Variants in NRXN3 observed in about 807,000 individuals in gnomAD.
NRXN3 encodes the protein neurexin 3.
Under a neutral mutation model 137.6 loss-of-function variants are expected in NRXN3, and 32 were observed. The observed-to-expected ratio is 0.23, with a 90% CI of 0.18 to 0.31. The LOEUF (loss-of-function observed/expected upper bound fraction) is 0.31. Ranked by LOEUF, NRXN3 falls within the 10% of genes least tolerant of loss-of-function variation. The pLI is 1.00. For missense variants in NRXN3, 1,574 were observed against 2,062.5 expected, an observed-to-expected ratio of 0.76 and a Z score of 4.59; for synonymous variants, 798 against 784.5, an observed-to-expected ratio of 1.02 and a Z score of -0.29.
chr14:78,946,396 T>C (rs2099365295), intron 10 of NRXN3, among the ~76,000 whole-genome samples: 1 of 152,122 alleles, frequency 6.6e-6, no homozygotes, highest in African/African-American at 2.4e-5. Flanking sequence ...ACCAGCAGGG[T>C]ATCTAGTGGA....
intron 1 of NRXN3, among the ~76,000 whole-genome samples, chr14:78,206,986 C>T (rs889477447): frequency 6.6e-6 from 1 of 152,078 alleles, no homozygotes; most frequent in Non-Finnish European, 1.5e-5. Flanking sequence ...GCCTCAGCCT[C>T]CTGAGCACCT....
intron 4 of NRXN3, among the ~76,000 whole-genome samples, chr14:78,402,193 G>A (rs904167022): frequency 1.3e-5 from 2 of 152,184 alleles, no homozygotes; most frequent in Non-Finnish European, 2.9e-5. Context: ...AGGATGTTAT[G>A]TGTGTTAATA....
At chr14:79,541,781 T>G (rs1392914313) in intron 16 of NRXN3, among the ~76,000 whole-genome samples, 1 of 152,194 alleles carries the variant, frequency 6.6e-6, no homozygotes, top group Non-Finnish European at 1.5e-5. Context: ...CTGATGGAGT[T>G]GCATTTGTTA....
At chr14:79,805,268 C>A in intron 20 of NRXN3, 78 bp downstream of exon 20, 1 of 1,000,538 alleles carries the variant, frequency 1.0e-6, no homozygotes, top group Non-Finnish European at 1.6e-6. Context: ...TGTGATTATA[C>A]ATGTGTTTTA....
chr14:79,132,464 G>A (rs1485500572), intron 15 of NRXN3, among the ~76,000 whole-genome samples: 1 of 152,090 alleles, frequency 6.6e-6, no homozygotes, highest in Non-Finnish European at 1.5e-5. Context: ...ATCACATTTT[G>A]AAGTAATATT....
intron 4 of NRXN3, among the ~76,000 whole-genome samples, chr14:78,422,170 G>A (rs2153678483): frequency 6.6e-6 from 1 of 152,244 alleles, no homozygotes; most frequent in South Asian, 2.1e-4. Flanking sequence ...CTTTCTCCTG[G>A]GGGTCACTTT....
chr14:79,025,921 C>T (rs936542590), intron 15 of NRXN3, among the ~76,000 whole-genome samples: 10 of 152,166 alleles, frequency 6.6e-5, no homozygotes, highest in African/African-American at 2.4e-4. Flanking sequence ...TATATGCTTT[C>T]AGCCTCCAGT....
At chr14:78,223,645 C>G (rs1311818084) in intron 1 of NRXN3, among the ~76,000 whole-genome samples, 1 of 152,072 alleles carries the variant, frequency 6.6e-6, no homozygotes, top group African/African-American at 2.4e-5. Flanking sequence ...TCCACTATCC[C>G]CAGAGCACCC....
chr14:78,812,440 C>G (rs2059380), intron 10 of NRXN3, among the ~76,000 whole-genome samples: 145,602 of 152,292 alleles, frequency 0.96, 69,930 homozygotes, highest in East Asian at 1. Context: ...CTAGCATCTT[C>G]TAGCTTCAGA....
At chr14:78,192,109 A>T (rs1555397105) in intron 1 of NRXN3, among the ~76,000 whole-genome samples, 218 of 137,914 alleles carry the variant, frequency 1.6e-3, no homozygotes, top group South Asian at 6.0e-3. Context: ...TGTGTGTGTG[A>T]GAGAGAGAGC....
rs569013701 is a variant in NRXN3, at chr14:78,530,407, TC to T, written c.758-114710del. On this transcript the variant is annotated intron_variant, in intron 4 of 20. Coordinates refer to ENST00000335750, the MANE Select transcript of NRXN3 (RefSeq NM_001330195.2). ...ACTTAGACCCTTTTTATTTCCCCTT[TC>T]CCTTGGAAAAATTGCATTTTCAGTT... Among the ~76,000 whole-genome samples, 1,326 of 152,340 alleles carry T rather than the reference TC, an allele frequency of 8.7e-3. 18 individuals are homozygous for T. Among genetic ancestry groups the T allele is most frequent in the African/African-American group, 0.03 (1,246 of 41,576 alleles).
At chr14:78,179,285 G>A (rs543133013) in intron 1 of NRXN3, among the ~76,000 whole-genome samples, 1 of 152,270 alleles carries the variant, frequency 6.6e-6, no homozygotes, top group Admixed American at 6.5e-5. Flanking sequence ...AGGACTCCAG[G>A]GAGGAAGAAG....
intron 16 of NRXN3, among the ~76,000 whole-genome samples, chr14:79,569,039 T>A (rs1175492666): frequency 6.6e-6 from 1 of 151,914 alleles, no homozygotes; most frequent in Non-Finnish European, 1.5e-5. Context: ...TAAAAAAAAA[T>A]GGCTATTTTC....
chr14:79,209,397 C>CTA (rs2067299052), intron 15 of NRXN3, among the ~76,000 whole-genome samples: 1 of 151,804 alleles, frequency 6.6e-6, no homozygotes. Flanking sequence ...TAATGCACTG[C>CTA]TATGTAATTA....
chr14:79,860,962 A>C (rs1473253502), intron 20 of NRXN3: 2 of 818,722 alleles, frequency 2.4e-6, no homozygotes, highest in African/African-American at 3.5e-5. Context: ...TCTGAGGCAT[A>C]ATCTGTGAAT....
chr14:79,720,365 C>CG (rs1306388468), intron 19 of NRXN3, among the ~76,000 whole-genome samples: 1 of 151,968 alleles, frequency 6.6e-6, no homozygotes, highest in African/African-American at 2.4e-5. Flanking sequence ...GAGATTTGGG[C>CG]GGGGACACAA....
chr14:78,879,569 T>C (rs1482175080), intron 10 of NRXN3, among the ~76,000 whole-genome samples: 1 of 152,186 alleles, frequency 6.6e-6, no homozygotes, highest in Non-Finnish European at 1.5e-5. Flanking sequence ...TTTAATTGGG[T>C]TATTTGTTTA....
At chr14:79,848,865 A>G (rs1007944968) in intron 20 of NRXN3, among the ~76,000 whole-genome samples, 1 of 152,106 alleles carries the variant, frequency 6.6e-6, no homozygotes. Context: ...AGTTTCTCAA[A>G]TCCATCTGGC....
At chr14:79,535,754 G>T (rs935979988) in intron 16 of NRXN3, among the ~76,000 whole-genome samples, 1 of 152,100 alleles carries the variant, frequency 6.6e-6, no homozygotes, top group Admixed American at 6.6e-5. Flanking sequence ...ACTAAGTGAT[G>T]ATGCCAAGGA....
Sources: allele counts gnomAD v4.1 joint callset (sites outside exome capture counted in the v4.1 genomes callset), GRCh38; gene constraint gnomAD v4.1.1; transcripts MANE v1.5; gene names NCBI Gene and HGNC (gene_info 2026-07-23, HGNC 2026-07-21).